KCNMA1: variants seen among roughly 807,000 people sequenced by gnomAD.
KCNMA1 encodes the protein potassium calcium-activated channel subfamily M alpha 1.
A neutral mutation model predicts 140.0 loss-of-function variants in KCNMA1; 29 were observed. That is an observed-to-expected ratio of 0.21 (90% CI 0.15 to 0.28). The LOEUF (loss-of-function observed/expected upper bound fraction) is 0.28, where lower values mean the gene tolerates loss of function less well. Among genes scored for constraint, KCNMA1 ranks in the 10% least tolerant of loss-of-function variants. The probability of loss-of-function intolerance (pLI) is 1.00; values close to 1 mark genes in which losing one functional copy is unlikely to be tolerated. For missense variants in KCNMA1, 880 were observed against 1,602.2 expected, an observed-to-expected ratio of 0.55 and a Z score of 7.70; for synonymous variants, 612 against 611.9, an observed-to-expected ratio of 1.00 and a Z score of 0.00.
At chr10:77,115,514 G>T (rs920941341) in intron 6 of KCNMA1, among the ~76,000 whole-genome samples, 3 of 152,138 alleles carry the variant, frequency 2.0e-5, no homozygotes, top group Non-Finnish European at 4.4e-5. Flanking sequence ...TTTTCTCAGG[G>T]TATCGTTAAA....
intron 26 of KCNMA1, among the ~76,000 whole-genome samples, chr10:76,889,949 G>T (rs771980515): frequency 6.6e-6 from 1 of 152,184 alleles, no homozygotes; most frequent in Non-Finnish European, 1.5e-5. Context: ...ATTATGTTCA[G>T]TCCCAGCTCA....
chr10:77,286,551 AACAG>A (rs1338975431), intron 2 of KCNMA1, among the ~76,000 whole-genome samples: 3 of 152,166 alleles, frequency 2.0e-5, no homozygotes, highest in Non-Finnish European at 1.5e-5. Flanking sequence ...TTTATGCATA[AACAG>A]ACAGTGTTCT....
chr10:76,939,433 C>T (rs544787609), intron 23 of KCNMA1: 1 of 152,332 alleles, frequency 6.6e-6, no homozygotes, highest in East Asian at 1.9e-4. Flanking sequence ...GCCACCTCTT[C>T]TTGAAAGCCT....
chr10:77,420,490 G>T (rs901325831), intron 1 of KCNMA1, among the ~76,000 whole-genome samples: 15 of 152,122 alleles, frequency 9.9e-5, no homozygotes, highest in Admixed American at 2.0e-4. Flanking sequence ...TTCCTTTCAG[G>T]TATCAGTCCC....
chr10:76,880,484 C>T (rs2034183237), downstream of KCNMA1, among the ~76,000 whole-genome samples: 1 of 152,106 alleles, frequency 6.6e-6, no homozygotes, highest in East Asian at 1.9e-4. Context: ...TTTTTGGAGA[C>T]TTGGTTATGT....
At chr10:77,008,329 C>G in intron 18 of KCNMA1, 1 of 788,926 alleles carries the variant, frequency 1.3e-6, no homozygotes, top group Non-Finnish European at 1.9e-6. Flanking sequence ...CATTACTTGT[C>G]CACTAGGAGT....
chr10:77,331,535 G>C (rs1280373133), intron 2 of KCNMA1, among the ~76,000 whole-genome samples: 1 of 151,924 alleles, frequency 6.6e-6, no homozygotes, highest in Non-Finnish European at 1.5e-5. Flanking sequence ...ATATGACAAT[G>C]GGCCAGGCAC....
chr10:77,597,711 T>C lies in KCNMA1; in HGVS notation c.378+39554A>G, dbSNP rs138899636. ...CTGTCACATGCTCTGCTCTGTCCCA[T>C]TGACAGGACACATTTCTAGGTACAT... On this transcript the variant is annotated intron_variant, in intron 1 of 27. Coordinates refer to ENST00000286628, the MANE Select transcript of KCNMA1 (RefSeq NM_001161352.2). Among the ~76,000 whole-genome samples, 20 of 152,262 alleles carry C rather than the reference T, an allele frequency of 1.3e-4. 1 individual carries two copies. Among genetic ancestry groups the C allele is most frequent in the African/African-American group, 4.6e-4 (19 of 41,558 alleles).
At chr10:77,266,443 C>T (rs1418256603) in intron 2 of KCNMA1, among the ~76,000 whole-genome samples, 1 of 152,174 alleles carries the variant, frequency 6.6e-6, no homozygotes, top group Non-Finnish European at 1.5e-5. Context: ...GTGCTCTGTG[C>T]CAGCCAAACT....
At chr10:77,193,760 T>C (rs2039459804) in intron 3 of KCNMA1, among the ~76,000 whole-genome samples, 2 of 152,028 alleles carry the variant, frequency 1.3e-5, no homozygotes, top group South Asian at 4.1e-4. Flanking sequence ...ACAGCCTAGA[T>C]GAGGTGATTA....
intron 1 of KCNMA1, among the ~76,000 whole-genome samples, chr10:77,529,539 G>A (rs1049743235): frequency 1.3e-5 from 2 of 151,980 alleles, no homozygotes; most frequent in Non-Finnish European, 2.9e-5. Flanking sequence ...TCCATGCAAG[G>A]GCCAGATCTA....
At chr10:77,345,279 T>C (rs965517516) in intron 2 of KCNMA1, among the ~76,000 whole-genome samples, 1 of 152,216 alleles carries the variant, frequency 6.6e-6, no homozygotes, top group African/African-American at 2.4e-5. Flanking sequence ...CATTATTCAG[T>C]TGAGGGTAGT....
intron 1 of KCNMA1, among the ~76,000 whole-genome samples, chr10:77,471,773 C>A (rs913623476): frequency 6.6e-6 from 1 of 151,448 alleles, no homozygotes; most frequent in Non-Finnish European, 1.5e-5. Context: ...ACGTACATAC[C>A]ACACATATAC....
chr10:77,301,061 G>C (rs1036897780), intron 2 of KCNMA1, among the ~76,000 whole-genome samples: 1 of 152,200 alleles, frequency 6.6e-6, no homozygotes, highest in African/African-American at 2.4e-5. Flanking sequence ...TCTGATGCCT[G>C]AAATCCCCTC....
intron 1 of KCNMA1, among the ~76,000 whole-genome samples, chr10:77,482,995 C>CAT (rs2098417417): frequency 1.3e-4 from 1 of 7,672 alleles, no homozygotes; most frequent in Non-Finnish European, 2.2e-4. Flanking sequence ...CTCACATACA[C>CAT]ACACACACAC....
At chr10:76,877,975 T>G in intron 29 of KCNMA1, 1 of 1,365,788 alleles carries the variant, frequency 7.3e-7, no homozygotes, top group East Asian at 2.4e-5. Flanking sequence ...GGAAAGTTCA[T>G]TGAAAAACGC....
chr10:77,636,114 G>A (rs1027848103), intron 1 of KCNMA1: 1 of 922,726 alleles, frequency 1.1e-6, no homozygotes, highest in Non-Finnish European at 1.5e-6. Flanking sequence ...CTATTCCCCT[G>A]GATTTCCCTT....
intron 1 of KCNMA1, among the ~76,000 whole-genome samples, chr10:77,455,776 A>T (rs1413353545): frequency 6.6e-6 from 1 of 152,134 alleles, no homozygotes; most frequent in African/African-American, 2.4e-5. Flanking sequence ...GCCAGAAGGC[A>T]ATTCCCTCCC....
intron 1 of KCNMA1, among the ~76,000 whole-genome samples, chr10:77,547,334 T>G (rs1268058824): frequency 6.6e-6 from 1 of 152,220 alleles, no homozygotes; most frequent in Non-Finnish European, 1.5e-5. Flanking sequence ...GTCCACAGGC[T>G]TGGCTCAATG....
Sources: gnomAD v4.1 joint callset for allele counts (sites outside exome capture counted in the v4.1 genomes callset) on GRCh38, gnomAD v4.1.1 for gene constraint, MANE v1.5 for transcripts, NCBI Gene and HGNC (gene_info 2026-07-23, HGNC 2026-07-21) for gene names.